Variants in ABHD6 observed in about 807,000 individuals in gnomAD.
ABHD6 encodes the protein abhydrolase domain containing 6, acylglycerol lipase, also known as monoacylglycerol lipase ABHD6.
A neutral mutation model predicts 38.8 loss-of-function variants in ABHD6; 33 were observed. The observed-to-expected ratio is 0.85, with a 90% CI of 0.64 to 1.14. ABHD6 has a LOEUF of 1.14. Ranked by LOEUF, ABHD6 falls within the 50% of genes most tolerant of loss-of-function variation. The probability of loss-of-function intolerance (pLI) is 0.00; values close to 1 mark genes in which losing one functional copy is unlikely to be tolerated. For synonymous variants in ABHD6, 147 were observed against 161.6 expected (o/e 0.91, Z 0.69); for missense variants, 380 against 422.6 (o/e 0.90, Z 0.88).
In ABHD6 at chr3:58,270,917, C is replaced by T; in HGVS notation, c.391-15C>T. ...CAGCTGTATAACCAAGCTGCTTTCT[C>T]ATTTCCCTTCCTAGTTTGTAGAATG... On this transcript the variant is annotated splice_polypyrimidine_tract_variant and intron_variant, in intron 5 of 9. Transcript: ENST00000478253. 1 of 1,593,152 alleles carries T rather than the reference C, an allele frequency of 6.3e-7. No homozygotes were observed. Among genetic ancestry groups the T allele is most frequent in the South Asian group, 1.1e-5 (1 of 87,438 alleles).
At position 58,269,334 on chromosome 3, in the gene ABHD6, A is replaced by G. The variant is rs754532591; in HGVS notation, c.290A>G (p.Asn97Ser). The stretch of plus-strand genomic sequence containing the variant: ...GTGTGTCCTCAGTTCCTTCCAAAGA[A>G]CCTGCACTTGGTCTGCGTGGACATG... ...WLSVVKFLPK[N>S]LHLVCVDMPG... The change falls in exon 5 of 10, where the codon AAC becomes AGC. Residue 97 changes from asparagine to serine, a missense_variant. Coordinates refer to ENST00000478253, the MANE Select transcript of ABHD6 (RefSeq NM_001320126.2). This position sits in a 1 kb window ranked among gnomAD's most constrained non-coding sequence, Gnocchi z 4.4. The G allele has an allele frequency of 1.2e-6, 2 of 1,613,676 alleles. No individual in the cohort carries two copies. The highest frequency in any genetic ancestry group is 1.1e-5 in the South Asian group (1 of 91,052).
intron 7 of ABHD6, among the ~76,000 whole-genome samples, chr3:58,278,983 T>C (rs2097450895): frequency 6.6e-6 from 1 of 152,238 alleles, no homozygotes; most frequent in African/African-American, 2.4e-5. Flanking sequence ...TTGTGATTTC[T>C]GTTCTTTTAC....
Position 58,257,126 on chromosome 3 carries a change from T to TC in ABHD6, c.119+423dup, listed in dbSNP as rs1010230642. ...TTTCACCATGTTGGCCAGGCTGGTCTCCAACTCCTGGCCTCAAGTGATCTT... is the reference window on the plus strand; with the variant it reads ...TTTCACCATGTTGGCCAGGCTGGTCTCCCAACTCCTGGCCTCAAGTGATCTT... On this transcript the variant is annotated intron_variant, in intron 3 of 9. Transcript: ENST00000478253. This position sits in a 1 kb window ranked among gnomAD's most constrained non-coding sequence, Gnocchi z 4.8. Among the ~76,000 whole-genome samples, 1 of 152,180 alleles carries TC rather than the reference T, an allele frequency of 6.6e-6. No individual in the cohort carries two copies. The highest frequency in any genetic ancestry group is 2.4e-5 in the African/African-American group (1 of 41,434).
Position 58,293,706 on chromosome 3 carries a change from C to G in ABHD6, c.955C>G (p.Leu319Val). 3 of 1,614,218 alleles carry G rather than the reference C, an allele frequency of 1.9e-6. No homozygotes were observed. Among genetic ancestry groups the G allele is most frequent in the Non-Finnish European group, 2.5e-6 (3 of 1,180,034 alleles). Reference sequence around the variant, plus strand: ...GGAAAGACCCAGGAAGACAGCCAAGCTCATAATCGACTTTTTAGCTTCTGT... The same window carrying G: ...GGAAAGACCCAGGAAGACAGCCAAGGTCATAATCGACTTTTTAGCTTCTGT... ...VMERPRKTAK[L>V]IIDFLASVHN... The change falls in exon 10 of 10, where the codon CTC (leucine) becomes GTC (valine). Residue 319 changes from leucine (L) to valine (V), a missense_variant. Coordinates refer to ENST00000478253, the MANE Select transcript of ABHD6 (RefSeq NM_001320126.2). The surrounding 1 kb of genome is among the most constrained non-coding windows in gnomAD (Gnocchi z 4.4).
intron 9 of ABHD6, among the ~76,000 whole-genome samples, chr3:58,292,939 CT>C (rs909054207): frequency 3.2e-4 from 49 of 152,164 alleles, no homozygotes; most frequent in African/African-American, 1.1e-3. Flanking sequence ...ATACCCCCAG[CT>C]TGTGATAATT....
chr3:58,261,649 G>C (rs540635886), intron 3 of ABHD6, among the ~76,000 whole-genome samples: 20 of 152,196 alleles, frequency 1.3e-4, no homozygotes, highest in Admixed American at 1.2e-3. Context: ...TGCCCGGCCT[G>C]GTTCTTTCTT....
Position 58,256,513 on chromosome 3 carries a change from T to C in ABHD6, c.-25-49T>C. 2 of 1,149,800 alleles carry C rather than the reference T, an allele frequency of 1.7e-6. No individual in the cohort carries two copies. Among genetic ancestry groups the C allele is most frequent in the Admixed American group, 2.2e-5 (1 of 45,720 alleles). 71.2% of individuals were successfully genotyped at this position (1,149,800 alleles called of 1,614,324 possible). Reference sequence around the variant, plus strand: ...TGTCCCCTTTACTTCTTCGCCTTTTTTCCTTTGATACAGAGTTTTAATATC... The same window carrying C: ...TGTCCCCTTTACTTCTTCGCCTTTTCTCCTTTGATACAGAGTTTTAATATC... On this transcript the variant is annotated intron_variant, in intron 2 of 9. Coordinates refer to ENST00000478253, the MANE Select transcript of ABHD6 (RefSeq NM_001320126.2). This position sits in a 1 kb window ranked among gnomAD's most constrained non-coding sequence, Gnocchi z 4.3.
intron 6 of ABHD6, among the ~76,000 whole-genome samples, chr3:58,272,427 A>G (rs2097445745): frequency 6.6e-6 from 1 of 152,176 alleles, no homozygotes; most frequent in Non-Finnish European, 1.5e-5. Context: ...CATGAATTGA[A>G]CATTTAATGA....
chr3:58,239,504 C>G (rs6790967), intron 1 of ABHD6, among the ~76,000 whole-genome samples: 3 of 152,186 alleles, frequency 2.0e-5, no homozygotes, highest in Non-Finnish European at 4.4e-5. Context: ...ATGAGACTTT[C>G]TCTATTTTCA....
intron 1 of ABHD6, among the ~76,000 whole-genome samples, chr3:58,244,413 G>A (rs2097424914): frequency 6.6e-6 from 1 of 152,154 alleles, no homozygotes; most frequent in African/African-American, 2.4e-5. Context: ...ATGACCAAAT[G>A]TTAATTGGAA....
chr3:58,286,876 G>GTGTATATATATATATA lies in ABHD6; in HGVS notation c.837+1424_837+1425insGTATATATATATATAT, dbSNP rs1559784545. Among the ~76,000 whole-genome samples, 16 of 42,080 alleles carry GTGTATATATATATATA rather than the reference G, an allele frequency of 3.8e-4. No homozygotes were observed. The East Asian group carries it at 8.9e-3, about 23-fold the overall frequency. The allele number at this position is 42,080 out of a possible 152,430, so 27.6% of individuals were successfully genotyped here. ...TGTATATATATATATATATGTATAT[G>GTGTATATATATATATA]TATATATAAGTAGGTATCTTGGAAA... On this transcript the variant is annotated intron_variant, in intron 9 of 9. Transcript: ENST00000478253.
intron 1 of ABHD6, among the ~76,000 whole-genome samples, chr3:58,241,019 C>T (rs13095170): frequency 0.057 from 8,659 of 152,090 alleles, 297 homozygotes; most frequent in South Asian, 0.086. Flanking sequence ...TGTGAGCCAC[C>T]GCGCCCGGCC....
intron 7 of ABHD6, among the ~76,000 whole-genome samples, chr3:58,281,628 G>T (rs2097453332): frequency 6.6e-6 from 1 of 152,206 alleles, no homozygotes; most frequent in African/African-American, 2.4e-5. Flanking sequence ...CCAGTGAGAT[G>T]AACCAGGTAC....
Position 58,267,309 on chromosome 3 carries a change from C to G in ABHD6, c.240C>G (p.Phe80Leu), listed in dbSNP as rs2097441780. The G allele has an allele frequency of 6.2e-7, 1 of 1,614,016 alleles. No individual in the cohort carries two copies. The highest frequency in any genetic ancestry group is 8.5e-7 in the Non-Finnish European group (1 of 1,180,018). ...HKPSILMLHG[F>L]SAHKDMWLSV... is the part of the protein sequence containing the mutation. Reference sequence around the variant, plus strand: ...CCTCCATCCTCATGCTCCACGGATTCTCTGCCCACAAGGATATGTGGCTCA... The same window carrying G: ...CCTCCATCCTCATGCTCCACGGATTGTCTGCCCACAAGGATATGTGGCTCA... The change falls in exon 4 of 10, where the codon TTC becomes TTG. Residue 80 changes from phenylalanine to leucine, a missense_variant. Phe to Leu is a conservative substitution (Grantham distance 22). Coordinates refer to ENST00000478253, the MANE Select transcript of ABHD6 (RefSeq NM_001320126.2). The surrounding 1 kb of genome is among the most constrained non-coding windows in gnomAD (Gnocchi z 4.3).
intron 4 of ABHD6, among the ~76,000 whole-genome samples, chr3:58,268,264 C>T (rs937109888): frequency 6.6e-6 from 1 of 152,160 alleles, no homozygotes; most frequent in African/African-American, 2.4e-5. Flanking sequence ...TTTGAAAAGT[C>T]ATTTTTTTTG....
intron 7 of ABHD6, among the ~76,000 whole-genome samples, chr3:58,278,812 A>G (rs2097450766): frequency 6.6e-6 from 1 of 152,136 alleles, no homozygotes; most frequent in Non-Finnish European, 1.5e-5. Context: ...CTTTGTTCTC[A>G]TTGGTTTCAA....
intron 6 of ABHD6, 146 bp from the exon 7 acceptor site, chr3:58,274,512 A>C: frequency 1.3e-6 from 1 of 793,446 alleles, no homozygotes; most frequent in African/African-American, 1.8e-5. Flanking sequence ...TTGAGCAAGG[A>C]TGGCAGTACC....
At chr3:58,249,581 C>T (rs1020368638) in intron 1 of ABHD6, among the ~76,000 whole-genome samples, 3 of 152,208 alleles carry the variant, frequency 2.0e-5, no homozygotes, top group African/African-American at 4.8e-5. Context: ...CTTTAACTAT[C>T]GTTCCATGCT....
Position 58,270,503 on chromosome 3 carries a change from C to CAA in ABHD6, c.391-409_391-408dup, listed in dbSNP as rs768619665. Among the ~76,000 whole-genome samples the CAA allele has an allele frequency of 7.2e-3, 436 of 60,552 alleles. 4 individuals are homozygous for CAA. The highest frequency in any genetic ancestry group is 0.019 in the African/African-American group (382 of 20,106). The allele number at this position is 60,552 out of a possible 152,430, so 39.7% of individuals were successfully genotyped here. ...ACAATATGGTGAAACCTCATCTCTA[C>CAA]AAAAAAAAAAAAAAAAAAAAATCAG... On this transcript the variant is annotated intron_variant, in intron 5 of 9. Coordinates refer to ENST00000478253, the MANE Select transcript of ABHD6 (RefSeq NM_001320126.2).
Sources: allele counts gnomAD v4.1 joint callset (sites outside exome capture counted in the v4.1 genomes callset), GRCh38; gene constraint gnomAD v4.1.1; non-coding constraint Gnocchi (gnomAD v3.1); transcripts MANE v1.5; gene names NCBI Gene and HGNC (gene_info 2026-07-23, HGNC 2026-07-21).